The following STK3 variants were observed in gnomAD, a reference collection of about 807,000 sequenced individuals.
The protein encoded by STK3 is serine/threonine kinase 3, also known as serine/threonine-protein kinase 3.
In STK3, 41 loss-of-function variants were observed where a neutral mutation model predicts 58.0. The ratio of observed to expected loss-of-function variants is 0.71; its 90% CI spans 0.55 to 0.92. STK3 has a LOEUF of 0.92. Ranked by LOEUF, STK3 falls within the 40% of genes least tolerant of loss-of-function variation. The pLI is 0.00. For missense variants in STK3, 479 were observed against 602.7 expected, an observed-to-expected ratio of 0.79 and a Z score of 2.15; for synonymous variants, 170 against 191.0, an observed-to-expected ratio of 0.89 and a Z score of 0.91.
At chr8:98,363,721 T>C in the STK3 span, among the ~76,000 whole-genome samples, 1 of 152,188 alleles carries the variant, frequency 6.6e-6, no homozygotes, top group African/African-American at 2.4e-5. Context: ...TGAGTGACAT[T>C]CACCTCTTTG....
At chr8:98,698,121 C>A (rs982016635) in intron 6 of STK3, among the ~76,000 whole-genome samples, 2 of 151,996 alleles carry the variant, frequency 1.3e-5, no homozygotes, top group Non-Finnish European at 2.9e-5. Context: ...TATGTAATGG[C>A]CTTCTTTGTC....
intron 10 of STK3, among the ~76,000 whole-genome samples, chr8:98,490,614 T>TA (rs1434917661): frequency 6.6e-6 from 1 of 152,206 alleles, no homozygotes; most frequent in East Asian, 1.9e-4. Context: ...GCTAATTTTT[T>TA]AAATCACTGT....
intron 3 of STK3, among the ~76,000 whole-genome samples, chr8:98,760,294 C>T (rs1005493279): frequency 2.6e-5 from 4 of 152,108 alleles, no homozygotes; most frequent in Admixed American, 6.6e-5. Flanking sequence ...AACATGCACA[C>T]ACCCGGACTA....
intron 4 of STK3, among the ~76,000 whole-genome samples, chr8:98,734,953 C>A (rs982979876): frequency 2.0e-5 from 3 of 151,702 alleles, no homozygotes; most frequent in Admixed American, 6.6e-5. Flanking sequence ...AAAAATTAAA[C>A]AGACACATAT....
chr8:98,893,437 A>AG (rs1838287670), intron 1 of STK3, among the ~76,000 whole-genome samples: 2 of 82,228 alleles, frequency 2.4e-5, no homozygotes. Flanking sequence ...AAAGAAAGAA[A>AG]GAAAGAAAGA....
chr8:98,466,157 A>G (rs1475517864), intron 10 of STK3, among the ~76,000 whole-genome samples: 1 of 152,196 alleles, frequency 6.6e-6, no homozygotes, highest in Non-Finnish European at 1.5e-5. Flanking sequence ...GAGGTTAACA[A>G]ATTAAGTGAT....
At chr8:98,606,944 A>G (rs1816822216) in intron 6 of STK3, among the ~76,000 whole-genome samples, 1 of 152,232 alleles carries the variant, frequency 6.6e-6, no homozygotes, top group Non-Finnish European at 1.5e-5. Flanking sequence ...AAGTATGGGT[A>G]ACCTAGGGAC....
intron 4 of STK3, among the ~76,000 whole-genome samples, chr8:98,711,982 G>C (rs539289536): frequency 1.8e-3 from 273 of 152,204 alleles, no homozygotes; most frequent in African/African-American, 5.9e-3. Flanking sequence ...CAATAGTCAA[G>C]ATTCTTAAAG....
intron 6 of STK3, among the ~76,000 whole-genome samples, chr8:98,661,563 A>G (rs369032910): frequency 3.3e-5 from 5 of 152,052 alleles, no homozygotes; most frequent in African/African-American, 1.2e-4. Context: ...CATAACAACA[A>G]CAACAAAAAT....
chr8:98,644,046 A>C (rs140581195), intron 6 of STK3, among the ~76,000 whole-genome samples: 2 of 152,290 alleles, frequency 1.3e-5, no homozygotes, highest in Non-Finnish European at 2.9e-5. Context: ...AATAATAATA[A>C]TACTAAATGA....
intron 10 of STK3, among the ~76,000 whole-genome samples, chr8:98,476,865 A>G (rs1302159043): frequency 6.6e-6 from 1 of 152,200 alleles, no homozygotes; most frequent in Admixed American, 6.5e-5. Flanking sequence ...CTTTTACAAC[A>G]AAGGAATTTA....
intron 2 of STK3, among the ~76,000 whole-genome samples, chr8:98,436,329 C>A (rs1371045849): frequency 2.0e-5 from 3 of 152,146 alleles, no homozygotes; most frequent in African/African-American, 7.2e-5. Flanking sequence ...CTGCAAAGGA[C>A]CCCTGTGTCT....
Position 98,860,148 on chromosome 8 carries a change from GA to G in STK3, c.110+23498del, listed in dbSNP as rs1836873330. Among the ~76,000 whole-genome samples, 2 of 152,138 alleles carry G rather than the reference GA, an allele frequency of 1.3e-5. 1 individual carries two copies. Among genetic ancestry groups the G allele is most frequent in the South Asian group, 4.1e-4 (2 of 4,828 alleles). ...TTTCTAGGTGCTGGGATGTAGCGGT[GA>G]AAAAGACAAGGTCCCTGTTCTCATG... On this transcript the variant is annotated intron_variant, in intron 3 of 12. Transcript: ENST00000523601.
At chr8:98,849,539 C>T (rs1836356107) in intron 3 of STK3, among the ~76,000 whole-genome samples, 1 of 152,176 alleles carries the variant, frequency 6.6e-6, no homozygotes, top group Non-Finnish European at 1.5e-5. Context: ...TTAGGTCTCA[C>T]ATAACTGAGA....
rs556809186 is a variant in STK3 at position 98,378,354 on chromosome 8, C to A, written n.111+799G>T. ...TAAATGCCTCAGAACACTCTACTTG[C>A]CTCTCTTTCTACTAGCTTTATCCTA... On this transcript the variant is annotated intron_variant and non_coding_transcript_variant, in intron 2 of 2. Coordinates refer to the STK3 transcript ENST00000518704. 1.7e-3 allele frequency among the ~76,000 whole-genome samples: 252 copies of A among 152,306 alleles called. 1 individual carries two copies. The highest frequency in any genetic ancestry group is 3.0e-3 in the Non-Finnish European group (203 of 68,024).
rs549935028 is a variant in STK3, at chr8:98,684,864, C to T, written c.684+21603G>A. Among the ~76,000 whole-genome samples, 15 of 152,096 alleles carry T rather than the reference C, an allele frequency of 9.9e-5. 1 individual carries two copies. In the South Asian group the frequency reaches 1.0e-3, roughly 11 times the overall value. On this transcript the variant is annotated intron_variant, in intron 6 of 10. Coordinates refer to ENST00000419617, the MANE Select transcript of STK3 (RefSeq NM_006281.4). ...TGGATTTGGACCACACATTTTTTAA[C>T]GAAAAGATGAAACAGAATAGAATAC...
At chr8:98,720,723 C>G (rs983048743) in intron 4 of STK3, among the ~76,000 whole-genome samples, 1 of 147,114 alleles carries the variant, frequency 6.8e-6, no homozygotes, top group African/African-American at 2.5e-5. Context: ...TGCACTCCAG[C>G]CTGGGTGACA....
chr8:98,461,756 G>A (rs922780612), intron 10 of STK3, among the ~76,000 whole-genome samples: 1 of 152,080 alleles, frequency 6.6e-6, no homozygotes, highest in African/African-American at 2.4e-5. Context: ...AGTTTTGCTG[G>A]ATACAAAATT....
intron 6 of STK3, among the ~76,000 whole-genome samples, chr8:98,684,991 G>A (rs1823888505): frequency 6.6e-6 from 1 of 152,132 alleles, no homozygotes; most frequent in Non-Finnish European, 1.5e-5. Flanking sequence ...CTGTACACAT[G>A]TGCATAATGG....
Sources: allele counts gnomAD v4.1 joint callset (sites outside exome capture counted in the v4.1 genomes callset), GRCh38; gene constraint gnomAD v4.1.1; transcripts MANE v1.5; gene names NCBI Gene and HGNC (gene_info 2026-07-23, HGNC 2026-07-21).